NSD3: variants seen among roughly 807,000 people sequenced by gnomAD.
NSD3 encodes the protein nuclear receptor binding SET domain protein 3.
In NSD3, 24 loss-of-function variants were observed where a neutral mutation model predicts 160.8. The ratio of observed to expected loss-of-function variants is 0.15; its 90% CI spans 0.11 to 0.21. NSD3 has a LOEUF of 0.21. Among genes scored for constraint, NSD3 ranks in the 10% least tolerant of loss-of-function variants. NSD3 has a pLI of 1.00. For missense variants in NSD3, 1,157 were observed against 1,735.9 expected, an observed-to-expected ratio of 0.67 and a Z score of 5.93; for synonymous variants, 520 against 600.0, an observed-to-expected ratio of 0.87 and a Z score of 1.95.
chr8:38,335,597 T>A (rs1563358882), intron 4 of NSD3, among the ~76,000 whole-genome samples: 1 of 151,882 alleles, frequency 6.6e-6, no homozygotes, highest in Admixed American at 6.6e-5. Flanking sequence ...CCCACTCATA[T>A]AACCATAGAT....
At chr8:38,337,606 CA>C (rs1055527126) in intron 3 of NSD3, 139 bp from the exon 4 acceptor site, 59 of 735,572 alleles carry the variant, frequency 8.0e-5, no homozygotes, top group Non-Finnish European at 1.1e-4. Flanking sequence ...ATCAGAAATT[CA>C]AAAAAAGAAA....
intron 10 of NSD3, 76 bp downstream of exon 10, chr8:38,315,836 G>A: frequency 1.3e-6 from 2 of 1,542,066 alleles, no homozygotes; most frequent in South Asian, 2.5e-5. Flanking sequence ...AAAATGTCCT[G>A]ATTTCCCCAA....
At chr8:38,322,008 A>C (rs187780479) in intron 7 of NSD3, among the ~76,000 whole-genome samples, 1 of 152,228 alleles carries the variant, frequency 6.6e-6, no homozygotes, top group Admixed American at 6.5e-5. Context: ...TGATACCTGC[A>C]GTGCAGCTGT....
intron 12 of NSD3, among the ~76,000 whole-genome samples, chr8:38,309,946 A>C (rs1204913087): frequency 6.6e-6 from 1 of 152,252 alleles, no homozygotes; most frequent in Admixed American, 6.5e-5. Context: ...GAAGAATCAC[A>C]GTTCTCACTT....
At position 38,271,393 on chromosome 8, in the gene NSD3, CATT is replaced by C. The variant is rs1808473942; in HGVS notation, c.*4245_*4247del. On this transcript the variant is annotated 3_prime_UTR_variant, in exon 24 of 24. Transcript: ENST00000317025. ...GTGACTATTTCGTACCTGTGGTAAA[CATT>C]ATCCCCCCCCTTACCCTTTACCAGG... The C allele has an allele frequency of 1.3e-5, 2 of 151,934 alleles. No individual in the cohort carries two copies. The highest frequency in any genetic ancestry group is 1.3e-4 in the Admixed American group (2 of 15,262). 9.4% of individuals were successfully genotyped at this position (151,934 alleles called of 1,614,324 possible).
intron 8 of NSD3, chr8:38,320,086 G>T (rs1445641295): frequency 1.3e-5 from 2 of 152,058 alleles, no homozygotes; most frequent in Non-Finnish European, 2.9e-5. Context: ...AAATATGAAA[G>T]TTAATATGAT....
In NSD3 at chr8:38,305,273, C is replaced by T. The variant is rs201474279; in HGVS notation, c.2415G>A (p.Glu805=). Reference sequence around the variant, plus strand: ...CTTTACTTGCTTTGTGGATATCTTTCTCCATAGAGCAGGCAGAGCAGCAGT... The same window carrying T: ...CTTTACTTGCTTTGTGGATATCTTTTTCCATAGAGCAGGCAGAGCAGCAGT... The part of the protein sequence containing the change: ...PQHCCSACSM[E]KDIHKASKGR... Residue 805 remains glutamate, a synonymous_variant, in exon 13 of 24, where the codon GAG becomes GAA. Coordinates refer to ENST00000317025, the MANE Select transcript of NSD3 (RefSeq NM_023034.2). The T allele has an allele frequency of 3.7e-6, 6 of 1,614,072 alleles. No individual in the cohort carries two copies. Among genetic ancestry groups the T allele is most frequent in the Non-Finnish European group, 3.4e-6 (4 of 1,180,014 alleles).
chr8:38,279,296 C>G (rs1455399934), intron 21 of NSD3, among the ~76,000 whole-genome samples: 1 of 152,240 alleles, frequency 6.6e-6, no homozygotes, highest in African/African-American at 2.4e-5. Flanking sequence ...TCCTGTCAGA[C>G]CCGCTCTTAC....
In NSD3 at chr8:38,367,347, C is replaced by T. The variant is rs577651621; in HGVS notation, c.-45+14452G>A. Among the ~76,000 whole-genome samples the T allele has an allele frequency of 2.6e-5, 4 of 152,140 alleles. No individual in the cohort carries two copies. In the South Asian group the frequency reaches 8.3e-4, roughly 32 times the overall value. Reference sequence around the variant, plus strand: ...ATGGGAAAATGAGCTGTGATTCCTCCTATTATCAATACATAAGTGTAGGGC... The same window carrying T: ...ATGGGAAAATGAGCTGTGATTCCTCTTATTATCAATACATAAGTGTAGGGC... On this transcript the variant is annotated intron_variant, in intron 1 of 23. Transcript: ENST00000317025.
chr8:38,292,021 T>C (rs1809006990), intron 16 of NSD3, among the ~76,000 whole-genome samples: 1 of 152,170 alleles, frequency 6.6e-6, no homozygotes, highest in Admixed American at 6.5e-5. Context: ...CTTTAAAATG[T>C]AATATAATTA....
intron 1 of NSD3, chr8:38,380,840 C>T (rs1434932935): frequency 6.6e-6 from 1 of 152,188 alleles, no homozygotes; most frequent in Admixed American, 6.5e-5. Flanking sequence ...CACTGCAGTG[C>T]CTTGGCAGCA....
intron 1 of NSD3, among the ~76,000 whole-genome samples, chr8:38,360,917 A>G (rs78080099): frequency 6.6e-6 from 1 of 152,372 alleles, no homozygotes; most frequent in East Asian, 1.9e-4. Flanking sequence ...TAAACTCAAG[A>G]TGTATCAACA....
chr8:38,300,652 C>T (rs1809256086), intron 14 of NSD3, among the ~76,000 whole-genome samples: 1 of 152,176 alleles, frequency 6.6e-6, no homozygotes, highest in Non-Finnish European at 1.5e-5. Flanking sequence ...CTGTGGTTCC[C>T]TCTTCTTTCC....
At chr8:38,301,412 T>C (rs1489561276) in intron 14 of NSD3, among the ~76,000 whole-genome samples, 2 of 152,146 alleles carry the variant, frequency 1.3e-5, no homozygotes, top group Non-Finnish European at 2.9e-5. Context: ...ACCCCATCTC[T>C]ACTAAAAATA....
rs556610447 is a variant in NSD3, at chr8:38,295,667, T to C, written c.2915+129A>G. ...ACCCAGCCTCAAAACATGGTTCTTT[T>C]CTTTTTTTTTTTTAAGGAAGTAGGT... is the stretch of plus-strand genomic sequence containing the variant. On this transcript the variant is annotated intron_variant, in intron 16 of 23. Transcript: ENST00000317025. The C allele has an allele frequency of 1.0e-4, 91 of 876,946 alleles. No individual in the cohort carries two copies. In the African/African-American group the frequency reaches 1.4e-3, roughly 14 times the overall value. 54.3% of individuals were successfully genotyped at this position (876,946 alleles called of 1,614,324 possible). A position where few individuals can be genotyped will look rare whatever the true frequency, so the allele number is the denominator to read the frequency against.
intron 12 of NSD3, among the ~76,000 whole-genome samples, chr8:38,307,695 A>C (rs1428845756): frequency 6.6e-6 from 1 of 152,114 alleles, no homozygotes; most frequent in East Asian, 1.9e-4. Flanking sequence ...GTACTAAAAC[A>C]CACACACACA....
At chr8:38,284,540 A>G (rs1373991693) in intron 19 of NSD3, among the ~76,000 whole-genome samples, 1 of 152,156 alleles carries the variant, frequency 6.6e-6, no homozygotes, top group Non-Finnish European at 1.5e-5. Flanking sequence ...GGTGTGCATC[A>G]CCACACCCAG....
chr8:38,331,344 T>C, intron 5 of NSD3, 87 bp downstream of exon 5: 1 of 1,363,348 alleles, frequency 7.3e-7, no homozygotes, highest in Non-Finnish European at 9.6e-7. Context: ...TTCTAATAAT[T>C]ATCTGAATTC....
chr8:38,314,812 C>G, intron 11 of NSD3, 39 bp from the exon 12 acceptor site: 1 of 1,599,188 alleles, frequency 6.3e-7, no homozygotes, highest in South Asian at 1.1e-5. Context: ...CAAACTTTGG[C>G]AAACATCAAG....
Sources: allele counts gnomAD v4.1 joint callset (sites outside exome capture counted in the v4.1 genomes callset), GRCh38; gene constraint gnomAD v4.1.1; transcripts MANE v1.5; gene names NCBI Gene and HGNC (gene_info 2026-07-23, HGNC 2026-07-21).